CSMD2: variants seen among roughly 807,000 people sequenced by gnomAD.
CSMD2 encodes the protein CUB and Sushi multiple domains 2, also known as CUB and sushi domain-containing protein 2.
In CSMD2, 130 loss-of-function variants were observed where a neutral mutation model predicts 398.5. The ratio of observed to expected loss-of-function variants is 0.33; its 90% CI spans 0.28 to 0.38. The LOEUF (loss-of-function observed/expected upper bound fraction) is 0.38. Among genes scored for constraint, CSMD2 ranks in the 10% least tolerant of loss-of-function variants. CSMD2 has a pLI of 1.00. For synonymous variants in CSMD2, 1,828 were observed against 1,908.5 expected, an observed-to-expected ratio of 0.96 and a Z score of 1.10; for missense variants, 3,829 against 4,764.9, an observed-to-expected ratio of 0.80 and a Z score of 5.78.
chr1:34,079,862 A>G (rs1366943647), intron 2 of CSMD2, among the ~76,000 whole-genome samples: 1 of 152,142 alleles, frequency 6.6e-6, no homozygotes, highest in Admixed American at 6.5e-5. Context: ...GCTTAAAAGT[A>G]ATAGAAAGCA....
chr1:33,817,172 T>G lies in CSMD2; in HGVS notation c.1324+2541A>C, dbSNP rs1657562705. 2.0e-5 allele frequency among the ~76,000 whole-genome samples: 3 copies of G among 152,186 alleles called. No homozygotes were observed. In the South Asian group the frequency reaches 6.2e-4, roughly 32 times the overall value. On this transcript the variant is annotated intron_variant, in intron 9 of 70. Coordinates refer to ENST00000373381, the MANE Select transcript of CSMD2 (RefSeq NM_001281956.2). ...TAAAAAGACGCTTTACTCTAATATC[T>G]ATCTCAGCCCTGGGCCTTCAGGGAA...
At chr1:34,068,562 G>A (rs1655372975) in intron 2 of CSMD2, among the ~76,000 whole-genome samples, 1 of 152,150 alleles carries the variant, frequency 6.6e-6, no homozygotes, top group Non-Finnish European at 1.5e-5. Context: ...AGATAATTCT[G>A]TAGCCTGTTT....
At chr1:33,950,646 C>T (rs1644981066) in intron 3 of CSMD2, among the ~76,000 whole-genome samples, 1 of 152,160 alleles carries the variant, frequency 6.6e-6, no homozygotes, top group Non-Finnish European at 1.5e-5. Flanking sequence ...ATGACATTTA[C>T]AGCAAAGGCT....
At chr1:34,041,911 T>A (rs1459782969) in intron 2 of CSMD2, among the ~76,000 whole-genome samples, 1 of 152,178 alleles carries the variant, frequency 6.6e-6, no homozygotes, top group Non-Finnish European at 1.5e-5. Flanking sequence ...ACCTCTCAAG[T>A]TCAATCCAAT....
intron 44 of CSMD2, among the ~76,000 whole-genome samples, chr1:33,587,900 C>A (rs1039034453): frequency 6.6e-6 from 1 of 152,236 alleles, no homozygotes; most frequent in Non-Finnish European, 1.5e-5. Flanking sequence ...GCTGCTCCTG[C>A]TGCCACTGCT....
chr1:33,744,886 T>C (rs924266817), intron 13 of CSMD2, among the ~76,000 whole-genome samples: 6 of 152,198 alleles, frequency 3.9e-5, no homozygotes, highest in Admixed American at 2.6e-4. Flanking sequence ...AAAACTGATA[T>C]GATCCTTTTT....
chr1:34,108,730 G>C (rs1204006826), intron 1 of CSMD2, among the ~76,000 whole-genome samples: 1 of 152,168 alleles, frequency 6.6e-6, no homozygotes, highest in Non-Finnish European at 1.5e-5. Flanking sequence ...AGAAGAGAGA[G>C]CACTGCAGCT....
At chr1:33,712,790 T>C (rs1413539945) in intron 21 of CSMD2, among the ~76,000 whole-genome samples, 1 of 152,082 alleles carries the variant, frequency 6.6e-6, no homozygotes, top group African/African-American at 2.4e-5. Flanking sequence ...AACTGAACCT[T>C]CCTGGGGTGG....
chr1:33,713,638 C>T (rs1018615452), intron 21 of CSMD2, among the ~76,000 whole-genome samples: 3 of 152,160 alleles, frequency 2.0e-5, no homozygotes, highest in Admixed American at 1.3e-4. Context: ...AGGAGGCTGG[C>T]AGGGCCCACT....
intron 54 of CSMD2, 27 bp from the exon 55 acceptor site, chr1:33,557,949 G>A: frequency 6.6e-7 from 1 of 1,519,188 alleles, no homozygotes; most frequent in Non-Finnish European, 8.8e-7. Flanking sequence ...GTCCAAACAG[G>A]CATGGATTCC....
At chr1:33,642,796 C>G (rs1160293611) in intron 29 of CSMD2, among the ~76,000 whole-genome samples, 1 of 152,000 alleles carries the variant, frequency 6.6e-6, no homozygotes, top group Admixed American at 6.6e-5. Context: ...AATAAGTTAC[C>G]CCTTTGTTTG....
At chr1:33,617,698 G>A in intron 37 of CSMD2, 81 bp from the exon 38 acceptor site, 1 of 1,021,908 alleles carries the variant, frequency 9.8e-7, no homozygotes, top group Non-Finnish European at 1.5e-6. Flanking sequence ...GTGAGATGCT[G>A]GTGGCAGGGA....
At chr1:34,137,621 G>T (rs1221317901) in intron 1 of CSMD2, among the ~76,000 whole-genome samples, 2 of 152,132 alleles carry the variant, frequency 1.3e-5, no homozygotes, top group Non-Finnish European at 2.9e-5. Context: ...AGCGCTCCTG[G>T]CCCAGTGTAT....
At chr1:33,714,291 T>C (rs1364151012) in intron 21 of CSMD2, among the ~76,000 whole-genome samples, 1 of 151,908 alleles carries the variant, frequency 6.6e-6, no homozygotes, top group Admixed American at 6.6e-5. Flanking sequence ...GGTGGGGAGG[T>C]AAGAGTACTG....
chr1:33,875,547 G>A (rs1286852326), intron 5 of CSMD2: 4 of 152,228 alleles, frequency 2.6e-5, no homozygotes, highest in Admixed American at 2.0e-4. Context: ...GTGGCAGTGA[G>A]GGAGAATGCA....
intron 59 of CSMD2, among the ~76,000 whole-genome samples, 186 bp downstream of exon 59, chr1:33,540,944 T>C (rs1216953304): frequency 3.3e-5 from 5 of 152,186 alleles, no homozygotes; most frequent in African/African-American, 9.6e-5. Flanking sequence ...GCCCAGGCCT[T>C]ATTTTGGTAC....
chr1:33,742,961 G>A (rs1396900063), intron 14 of CSMD2, among the ~76,000 whole-genome samples: 1 of 152,190 alleles, frequency 6.6e-6, no homozygotes, highest in East Asian at 1.9e-4. Flanking sequence ...GCCCTCCCTA[G>A]TTCTGGTTGG....
At chr1:33,755,756 C>T (rs771015169) in intron 13 of CSMD2, among the ~76,000 whole-genome samples, 4 of 152,138 alleles carry the variant, frequency 2.6e-5, no homozygotes, top group Non-Finnish European at 4.4e-5. Flanking sequence ...AGTGATCCTC[C>T]CACCTCAGCT....
At chr1:33,736,542 T>C (rs909807723) in intron 15 of CSMD2, among the ~76,000 whole-genome samples, 9 of 152,272 alleles carry the variant, frequency 5.9e-5, no homozygotes, top group East Asian at 1.9e-4. Flanking sequence ...TTATCTCATG[T>C]GTTCATACAT....
Sources: gnomAD v4.1 joint callset for allele counts (sites outside exome capture counted in the v4.1 genomes callset) on GRCh38, gnomAD v4.1.1 for gene constraint, MANE v1.5 for transcripts, NCBI Gene and HGNC (gene_info 2026-07-23, HGNC 2026-07-21) for gene names.